The following RUFY2 variants were observed in gnomAD, a reference collection of about 807,000 sequenced individuals.
RUFY2 encodes RUN and FYVE domain containing 2.
A neutral mutation model predicts 94.4 loss-of-function variants in RUFY2; 49 were observed. The ratio of observed to expected loss-of-function variants is 0.52; its 90% CI spans 0.41 to 0.66. The LOEUF (loss-of-function observed/expected upper bound fraction) is 0.66, where lower values mean the gene tolerates loss of function less well. Ranked by LOEUF, RUFY2 falls within the 30% of genes least tolerant of loss-of-function variation. The pLI, the probability that RUFY2 is intolerant of heterozygous loss-of-function variation, is 0.00. For synonymous variants in RUFY2, 255 were observed against 235.7 expected (o/e 1.08, Z -0.75); for missense variants, 541 against 692.8 (o/e 0.78, Z 2.46).
intron 8 of RUFY2, 94 bp downstream of exon 8, chr10:68,385,965 C>T (rs912997830): frequency 2.0e-5 from 14 of 687,878 alleles, no homozygotes; most frequent in Non-Finnish European, 3.0e-5. Context: ...AGTGTGTGTT[C>T]GTGTGTGTGT....
intron 16 of RUFY2, among the ~76,000 whole-genome samples, chr10:68,353,349 T>C (rs1184771372): frequency 8.5e-6 from 1 of 118,042 alleles, no homozygotes; most frequent in Non-Finnish European, 1.8e-5. Context: ...AAAAAAAAAA[T>C]GAGCTAGGCG....
chr10:68,353,308 G>C (rs969694972), intron 16 of RUFY2, among the ~76,000 whole-genome samples: 1 of 150,524 alleles, frequency 6.6e-6, no homozygotes, highest in African/African-American at 2.4e-5. Context: ...TCCAGCCTGG[G>C]TAACAGAGCG....
In RUFY2 at chr10:68,343,804, T is replaced by A. The variant is rs2046112827; in HGVS notation, c.*1964A>T. 1 of 121,258 alleles carries A rather than the reference T, an allele frequency of 8.2e-6. No homozygotes were observed. 7.5% of individuals were successfully genotyped at this position (121,258 alleles called of 1,614,324 possible). A position where few individuals can be genotyped will look rare whatever the true frequency, so the allele number is the denominator to read the frequency against. ...TGGAGCAAGTTGCTGTCATAAAAGC[T>A]GCCTAAAAAAAAAAAAAAAAAAAAA... On this transcript the variant is annotated 3_prime_UTR_variant, in exon 18 of 18. Coordinates refer to ENST00000602465, the MANE Select transcript of RUFY2 (RefSeq NM_001330103.2).
At chr10:68,389,758 C>T (rs1435964341) in intron 7 of RUFY2, among the ~76,000 whole-genome samples, 1 of 151,654 alleles carries the variant, frequency 6.6e-6, no homozygotes, top group Non-Finnish European at 1.5e-5. Flanking sequence ...TGCACCACTG[C>T]ACCCAAGCCA....
intron 13 of RUFY2, among the ~76,000 whole-genome samples, chr10:68,371,348 G>A (rs549967247): frequency 6.6e-6 from 1 of 152,124 alleles, no homozygotes; most frequent in South Asian, 2.1e-4. Context: ...CTTGAATCCA[G>A]GTGGCAGAAG....
intron 7 of RUFY2, among the ~76,000 whole-genome samples, chr10:68,389,727 G>A (rs1246937530): frequency 2.0e-5 from 3 of 152,094 alleles, no homozygotes; most frequent in Non-Finnish European, 2.9e-5. Context: ...CCAGTAGGTG[G>A]AGGTTGCAGT....
In RUFY2 at chr10:68,344,886, C is replaced by T. The variant is rs1478083619; in HGVS notation, c.*882G>A. 3 of 152,100 alleles carry T rather than the reference C, an allele frequency of 2.0e-5. No individual in the cohort carries two copies. Among genetic ancestry groups the T allele is most frequent in the Non-Finnish European group, 4.4e-5 (3 of 68,014 alleles). The allele number at this position is 152,100 out of a possible 1,614,324, so 9.4% of individuals were successfully genotyped here. ...CTCTAATACATTACCAAAGCAAAGT[C>T]CTGATTTTTTTCTCACTTTTAATGC... On this transcript the variant is annotated 3_prime_UTR_variant, in exon 18 of 18. Coordinates refer to ENST00000602465, the MANE Select transcript of RUFY2 (RefSeq NM_001330103.2).
intron 13 of RUFY2, among the ~76,000 whole-genome samples, chr10:68,367,523 C>T (rs920401939): frequency 1.3e-5 from 2 of 152,178 alleles, no homozygotes; most frequent in African/African-American, 4.8e-5. Context: ...GGCACAATCA[C>T]AGCTCACAGC....
chr10:68,367,977 T>TG (rs2047980584), intron 13 of RUFY2, among the ~76,000 whole-genome samples: 1 of 151,282 alleles, frequency 6.6e-6, no homozygotes, highest in African/African-American at 2.4e-5. Flanking sequence ...CTTTTTTTTT[T>TG]TTTTTTGAGA....
At chr10:68,377,762 G>A in intron 12 of RUFY2, 3 of 983,928 alleles carry the variant, frequency 3.0e-6, no homozygotes, top group Non-Finnish European at 3.6e-6. Flanking sequence ...ATTTTTATAA[G>A]AAAATATTTA....
chr10:68,386,642 C>T (rs112688183), intron 7 of RUFY2, among the ~76,000 whole-genome samples: 2 of 152,054 alleles, frequency 1.3e-5, no homozygotes, highest in African/African-American at 2.4e-5. Context: ...CAACAGCACC[C>T]GGCCTACTCA....
In RUFY2 at chr10:68,393,182, T is replaced by C; in HGVS notation, c.606A>G (p.Ile202Met). Residue 202 changes from isoleucine (I) to methionine (M), a missense_variant, in exon 7 of 18, where the codon ATA becomes ATG. Coordinates refer to ENST00000602465, the MANE Select transcript of RUFY2 (RefSeq NM_001330103.2). ...CTTCAACATAATTCTTTTGGTCTAA[T>C]ATGGCAGCAATTTGAACATTCCTAA... ...NKERNVQIAA[I>M]LDQKNYVEEL... 1 of 1,561,548 alleles carries C rather than the reference T, an allele frequency of 6.4e-7. No homozygotes were observed. The highest frequency in any genetic ancestry group is 1.7e-5 in the Admixed American group (1 of 57,392).
In RUFY2 at chr10:68,345,548, T is replaced by G; in HGVS notation, c.*220A>C. ...TCTGCTCTCTGGCCTTTTAATGAGTTACATGATTTTTAAGCATGCTCTGTT... is the reference window on the plus strand; with the variant it reads ...TCTGCTCTCTGGCCTTTTAATGAGTGACATGATTTTTAAGCATGCTCTGTT... On this transcript the variant is annotated 3_prime_UTR_variant, in exon 18 of 18. Coordinates refer to ENST00000602465, the MANE Select transcript of RUFY2 (RefSeq NM_001330103.2). The G allele has an allele frequency of 2.0e-6, 1 of 490,212 alleles. No individual in the cohort carries two copies. The highest frequency in any genetic ancestry group is 4.1e-5 in the South Asian group (1 of 24,496). The allele number at this position is 490,212 out of a possible 1,614,324, so 30.4% of individuals were successfully genotyped here.
intron 12 of RUFY2, chr10:68,377,649 T>C: frequency 1.0e-6 from 1 of 985,420 alleles, no homozygotes; most frequent in Non-Finnish European, 1.2e-6. Context: ...CATTGTGATT[T>C]TCATCTTTCC....
At chr10:68,347,496 C>A (rs1290122738) in intron 16 of RUFY2, among the ~76,000 whole-genome samples, 4 of 152,094 alleles carry the variant, frequency 2.6e-5, no homozygotes, top group African/African-American at 9.7e-5. Context: ...GTTGGCCAGA[C>A]TGGTCTCAAA....
At chr10:68,341,164 TTTTA>T, downstream of RUFY2, 1 of 1,534,342 alleles carries the variant, frequency 6.5e-7, no homozygotes, top group African/African-American at 1.4e-5. Flanking sequence ...AAGTGTTTCC[TTTTA>T]TTTAGTTCTT....
chr10:68,366,667 T>C (rs994802514), intron 13 of RUFY2, among the ~76,000 whole-genome samples: 62 of 146,584 alleles, frequency 4.2e-4, no homozygotes, highest in Admixed American at 2.8e-4. Context: ...GCTTGAACCT[T>C]GGAGGTAGAG....
At chr10:68,357,298 G>A (rs182875951) in intron 15 of RUFY2, among the ~76,000 whole-genome samples, 130 of 150,504 alleles carry the variant, frequency 8.6e-4, no homozygotes, top group African/African-American at 3.0e-3. Context: ...GCATGATCTC[G>A]ACTCACTGCA....
intron 12 of RUFY2, chr10:68,377,268 G>A (rs1361844705): frequency 1.7e-6 from 2 of 1,190,286 alleles, no homozygotes; most frequent in African/African-American, 3.2e-5. Flanking sequence ...CACTTATGCA[G>A]AGCATAACGA....
Sources: allele counts gnomAD v4.1 joint callset (sites outside exome capture counted in the v4.1 genomes callset), GRCh38; gene constraint gnomAD v4.1.1; transcripts MANE v1.5; gene names NCBI Gene and HGNC (gene_info 2026-07-23, HGNC 2026-07-21).